PADI2: variants seen among roughly 807,000 people sequenced by gnomAD.
PADI2 encodes peptidyl arginine deiminase 2.
In PADI2, 70 loss-of-function variants were observed where a neutral mutation model predicts 81.1. The ratio of observed to expected loss-of-function variants is 0.86; its 90% confidence interval spans 0.71 to 1.05. The LOEUF (loss-of-function observed/expected upper bound fraction) is 1.05, where lower values mean the gene tolerates loss of function less well. Among genes scored for constraint, PADI2 ranks in the 50% least tolerant of loss-of-function variants. PADI2 has a pLI of 0.00. For synonymous variants in PADI2, 338 were observed against 358.0 expected, an observed-to-expected ratio of 0.94 and a Z score of 0.63; for missense variants, 853 against 889.9, an observed-to-expected ratio of 0.96 and a Z score of 0.53.
chr1:17,068,309 G>A lies in PADI2; in HGVS notation c.*735C>T, dbSNP rs183087207. 2.6e-5 allele frequency: 4 copies of A among 152,870 alleles called. No homozygotes were observed. The highest frequency in any genetic ancestry group is 5.9e-5 in the Non-Finnish European group (4 of 68,132). The allele number at this position is 152,870 out of a possible 1,614,324, so 9.5% of individuals were successfully genotyped here. On this transcript the variant is annotated 3_prime_UTR_variant, in exon 16 of 16. Coordinates refer to ENST00000375486, the MANE Select transcript of PADI2 (RefSeq NM_007365.3). ...TGAACTCTCAGGTCACAAGTATGCTGGTCTGGGGAGAAATCCCCATGCATG... is the reference window on the plus strand; with the variant it reads ...TGAACTCTCAGGTCACAAGTATGCTAGTCTGGGGAGAAATCCCCATGCATG...
chr1:17,112,133 G>A (rs1004305883), intron 1 of PADI2, among the ~76,000 whole-genome samples: 1 of 152,128 alleles, frequency 6.6e-6, no homozygotes, highest in African/African-American at 2.4e-5. Flanking sequence ...AAGTGGGGAG[G>A]AGGTGGCTGC....
At chr1:17,092,634 G>A (rs1930743880) in intron 5 of PADI2, 101 bp from the exon 6 acceptor site, 3 of 1,079,554 alleles carry the variant, frequency 2.8e-6, no homozygotes, top group Non-Finnish European at 4.0e-6. Context: ...CCCCATGGAT[G>A]TGTATTATGG....
At chr1:17,090,375 T>C (rs1244311252) in intron 6 of PADI2, among the ~76,000 whole-genome samples, 2 of 152,186 alleles carry the variant, frequency 1.3e-5, no homozygotes, top group African/African-American at 4.8e-5. Flanking sequence ...GGACCCAGAA[T>C]TGTAGCTCCC....
chr1:17,080,317 G>A (rs968219605), intron 10 of PADI2, among the ~76,000 whole-genome samples: 2 of 152,206 alleles, frequency 1.3e-5, no homozygotes, highest in Non-Finnish European at 2.9e-5. Context: ...GTGAGCAGAA[G>A]GGATGCATGC....
At chr1:17,070,312 C>A (rs939414536) in intron 14 of PADI2, 96 bp from the exon 15 acceptor site, 18 of 1,492,396 alleles carry the variant, frequency 1.2e-5, no homozygotes, top group Non-Finnish European at 1.6e-5. Flanking sequence ...AGGCCAGGGG[C>A]CCCGGCACTC....
rs777705056 is a variant in PADI2 at position 17,119,239 on chromosome 1, G to C, written c.92+41C>G. The stretch of plus-strand genomic sequence containing the variant: ...TCTGAGCGCGTCTCAGGATTTCTGG[G>C]CTCGAGATCTCGGCCCGGGCATCAC... On this transcript the variant is annotated intron_variant, in intron 1 of 15. Coordinates refer to ENST00000375486, the MANE Select transcript of PADI2 (RefSeq NM_007365.3). This position sits in a 1 kb window ranked among gnomAD's most constrained non-coding sequence, Gnocchi z 4.8. The C allele has an allele frequency of 7.3e-7, 1 of 1,376,470 alleles. No individual in the cohort carries two copies. The highest frequency in any genetic ancestry group is 9.9e-7 in the Non-Finnish European group (1 of 1,010,126). The allele number at this position is 1,376,470 out of a possible 1,614,324, so 85.3% of individuals were successfully genotyped here.
chr1:17,072,101 G>A (rs1333284100), intron 13 of PADI2, among the ~76,000 whole-genome samples: 1 of 152,218 alleles, frequency 6.6e-6, no homozygotes, highest in African/African-American at 2.4e-5. Flanking sequence ...TGAAAAATGA[G>A]GAAACTGAGG....
chr1:17,075,014 C>A (rs981940394), intron 12 of PADI2, 65 bp from the exon 13 acceptor site: 5 of 1,051,942 alleles, frequency 4.8e-6, no homozygotes, highest in Non-Finnish European at 5.8e-6. Context: ...CACGGGGAGG[C>A]CCTGCGCTGA....
intron 1 of PADI2, among the ~76,000 whole-genome samples, chr1:17,112,736 T>G (rs1264069092): frequency 6.6e-6 from 1 of 152,204 alleles, no homozygotes. Flanking sequence ...CCTCACCACC[T>G]GGTGCATCCA....
Position 17,102,978 on chromosome 1 carries a change from C to A in PADI2, c.349+9G>T. ...TGAAGGCACTGAGACGGCAACCATG[C>A]CAACTCACCAATGGCTGTGAGGAAG... is the stretch of plus-strand genomic sequence containing the variant. On this transcript the variant is annotated intron_variant, in intron 3 of 15. Coordinates refer to ENST00000375486, the MANE Select transcript of PADI2 (RefSeq NM_007365.3). 6.2e-7 allele frequency: 1 copy of A among 1,606,066 alleles called. No individual in the cohort carries two copies. Among genetic ancestry groups the A allele is most frequent in the Non-Finnish European group, 8.5e-7 (1 of 1,174,352 alleles).
At chr1:17,098,619 C>A (rs1329627292) in intron 3 of PADI2, among the ~76,000 whole-genome samples, 1 of 152,204 alleles carries the variant, frequency 6.6e-6, no homozygotes, top group Admixed American at 6.5e-5. Context: ...GGTTTCGTTA[C>A]CTTCCTGTTA....
At chr1:17,093,346 G>C (rs1161581013) in intron 5 of PADI2, among the ~76,000 whole-genome samples, 1 of 152,050 alleles carries the variant, frequency 6.6e-6, no homozygotes, top group South Asian at 2.1e-4. Flanking sequence ...TGCCTGCCTT[G>C]GCCTCCCAAA....
intron 1 of PADI2, among the ~76,000 whole-genome samples, chr1:17,111,765 G>A (rs1048423311): frequency 2.0e-5 from 3 of 152,170 alleles, no homozygotes; most frequent in Admixed American, 6.5e-5. Flanking sequence ...GATGCTGCTG[G>A]TCCCCCACAG....
chr1:17,078,275 C>A (rs1419078886), intron 11 of PADI2, among the ~76,000 whole-genome samples: 3 of 151,954 alleles, frequency 2.0e-5, no homozygotes, highest in African/African-American at 7.3e-5. Flanking sequence ...CCACGCCCGG[C>A]TAATTTTGTA....
At chr1:17,089,933 T>C (rs1236951133) in intron 6 of PADI2, among the ~76,000 whole-genome samples, 1 of 152,162 alleles carries the variant, frequency 6.6e-6, no homozygotes, top group Non-Finnish European at 1.5e-5. Context: ...TCCTTGATAG[T>C]GTGACCAGCT....
In PADI2 at chr1:17,104,903, G is replaced by A. The variant is rs551037620; in HGVS notation, c.251C>T (p.Ala84Val). Reference sequence around the variant, plus strand: ...CTTGTCACTGCTGGCCTCGGTGCTCGCCTGGCTCATGGTGACCCGCAGGGT... The same window carrying A: ...CTTGTCACTGCTGGCCTCGGTGCTCACCTGGCTCATGGTGACCCGCAGGGT... ...STTLRVTMSQ[A>V]STEASSDKVT... The change falls in exon 2 of 16, where the codon GCG becomes GTG. Residue 84 changes from alanine to valine, a missense_variant. By Grantham distance (64) the Ala-to-Val change is moderately conservative. Coordinates refer to ENST00000375486, the MANE Select transcript of PADI2 (RefSeq NM_007365.3). The A allele has an allele frequency of 1.1e-5, 18 of 1,588,458 alleles. No homozygotes were observed. The highest frequency in any genetic ancestry group is 6.7e-5 in the Admixed American group (4 of 59,314).
At chr1:17,104,389 G>GATATTAAGACA (rs1553183714) in intron 2 of PADI2, among the ~76,000 whole-genome samples, 1 of 148,208 alleles carries the variant, frequency 6.7e-6, no homozygotes, top group African/African-American at 2.5e-5. Context: ...TTAAGTAATA[G>GATATTAAGACA]ATATTAAGAC....
At chr1:17,073,442 G>T (rs1286207015) in intron 13 of PADI2, among the ~76,000 whole-genome samples, 1 of 147,116 alleles carries the variant, frequency 6.8e-6, no homozygotes, top group South Asian at 2.1e-4. Flanking sequence ...AAGTATAACG[G>T]ATATAGAGAG....
chr1:17,085,212 G>T (rs1447280179), intron 7 of PADI2, among the ~76,000 whole-genome samples: 1 of 152,220 alleles, frequency 6.6e-6, no homozygotes, highest in Non-Finnish European at 1.5e-5. Flanking sequence ...TGTCCAGACT[G>T]TTTTGTTTTA....
Sources: gnomAD v4.1 joint callset for allele counts (sites outside exome capture counted in the v4.1 genomes callset) on GRCh38, gnomAD v4.1.1 for gene constraint, Gnocchi (gnomAD v3.1) non-coding constraint, MANE v1.5 for transcripts, NCBI Gene and HGNC (gene_info 2026-07-23, HGNC 2026-07-21) for gene names.